NRIP3: variants seen among roughly 807,000 people sequenced by gnomAD.
The protein encoded by NRIP3 is nuclear receptor-interacting protein 3.
Under a neutral mutation model 29.0 loss-of-function variants are expected in NRIP3, and 31 were observed. The ratio of observed to expected loss-of-function variants is 1.07; its 90% CI spans 0.80 to 1.44. The LOEUF is 1.44. Among genes scored for constraint, NRIP3 ranks in the 40% most tolerant of loss-of-function variants. NRIP3 has a pLI of 0.00. For missense variants in NRIP3, 314 were observed against 297.9 expected, an observed-to-expected ratio of 1.05 and a Z score of -0.40; for synonymous variants, 131 against 118.3, an observed-to-expected ratio of 1.11 and a Z score of -0.70.
chr11:8,996,275 CTTTTTTTTT>C (rs386373056), intron 1 of NRIP3, among the ~76,000 whole-genome samples: 8 of 82,958 alleles, frequency 9.6e-5, no homozygotes, highest in Middle Eastern at 0.013. Flanking sequence ...CCTTTTTTTC[CTTTTTTTTT>C]TTTTTTTTTT....
intron 1 of NRIP3, among the ~76,000 whole-genome samples, chr11:8,993,878 T>C (rs943261310): frequency 1.3e-5 from 2 of 151,460 alleles, no homozygotes; most frequent in Non-Finnish European, 2.9e-5. Context: ...GAAATAGCAG[T>C]ATCACCATTT....
chr11:8,994,168 G>C (rs568312673), intron 1 of NRIP3, among the ~76,000 whole-genome samples: 4 of 152,292 alleles, frequency 2.6e-5, no homozygotes, highest in African/African-American at 9.6e-5. Context: ...CATGGTCACA[G>C]ATGAATACCC....
At chr11:8,992,929 G>C (rs1424586260) in intron 1 of NRIP3, among the ~76,000 whole-genome samples, 1 of 151,574 alleles carries the variant, frequency 6.6e-6, no homozygotes, top group Non-Finnish European at 1.5e-5. Context: ...AAAAAAATTT[G>C]ATAGTACATA....
At chr11:8,985,377 G>C (rs1476583571) in intron 4 of NRIP3, among the ~76,000 whole-genome samples, 2 of 149,398 alleles carry the variant, frequency 1.3e-5, no homozygotes, top group East Asian at 4.0e-4. Flanking sequence ...CACCGTGTTA[G>C]CTAGGATGGT....
At chr11:8,990,863 C>A (rs1237881162) in intron 1 of NRIP3, among the ~76,000 whole-genome samples, 1 of 152,106 alleles carries the variant, frequency 6.6e-6, no homozygotes, top group Non-Finnish European at 1.5e-5. Flanking sequence ...ATCTCTCAAG[C>A]CCTTCTCAGT....
chr11:8,980,878 G>A lies in NRIP3; in HGVS notation c.*2667C>T, dbSNP rs1364466504. The stretch of plus-strand genomic sequence containing the variant: ...AGAAGTCAGAAAATGTTATTTTCCC[G>A]AGTCAGGCATGGAAATATCAAATGA... On this transcript the variant is annotated 3_prime_UTR_variant, in exon 7 of 7. Transcript: ENST00000309166. 1 of 152,206 alleles carries A rather than the reference G, an allele frequency of 6.6e-6. No individual in the cohort carries two copies. Among genetic ancestry groups the A allele is most frequent in the South Asian group, 2.1e-4 (1 of 4,820 alleles). The allele number at this position is 152,206 out of a possible 1,614,324, so 9.4% of individuals were successfully genotyped here.
chr11:8,994,160 T>C (rs925263230), intron 1 of NRIP3, among the ~76,000 whole-genome samples: 3 of 152,200 alleles, frequency 2.0e-5, no homozygotes, highest in African/African-American at 7.2e-5. Flanking sequence ...CATTCCTTCA[T>C]GGTCACAGAT....
chr11:8,995,935 A>C (rs1854695400), intron 1 of NRIP3, among the ~76,000 whole-genome samples: 1 of 152,188 alleles, frequency 6.6e-6, no homozygotes, highest in Non-Finnish European at 1.5e-5. Flanking sequence ...CCTCTGCCTG[A>C]AATGTTCTTC....
In NRIP3 at chr11:8,988,284, T is replaced by C; in HGVS notation, c.175-2A>G. On this transcript the variant is annotated splice_acceptor_variant, in intron 1 of 6. Transcript: ENST00000309166. LOFTEE classifies it high-confidence loss of function. Reference sequence around the variant, plus strand: ...CCTCTGCAGAATATTATGAGGTTGCTTGAGGGATAGAAAGCAGAGACTTCT... The same window carrying C: ...CCTCTGCAGAATATTATGAGGTTGCCTGAGGGATAGAAAGCAGAGACTTCT... 8 of 1,612,928 alleles carry C rather than the reference T, an allele frequency of 5.0e-6. No individual in the cohort carries two copies. The highest frequency in any genetic ancestry group is 2.2e-5 in the East Asian group (1 of 44,862).
chr11:8,981,833 A>G lies in NRIP3; in HGVS notation c.*1712T>C. 6.6e-6 allele frequency: 1 copy of G among 152,222 alleles called. No individual in the cohort carries two copies. The highest frequency in any genetic ancestry group is 1.9e-4 in the East Asian group (1 of 5,190). 9.4% of individuals were successfully genotyped at this position (152,222 alleles called of 1,614,324 possible). A position where few individuals can be genotyped will look rare whatever the true frequency, so the allele number is the denominator to read the frequency against. ...GTAGAGGCTGATAGGAAGGGGGCCT[A>G]GGGAATGACCCCATGACAACTGACT... On this transcript the variant is annotated 3_prime_UTR_variant, in exon 7 of 7. Transcript: ENST00000309166.
intron 1 of NRIP3, among the ~76,000 whole-genome samples, chr11:8,999,982 C>G (rs186722523): frequency 6.6e-6 from 1 of 152,104 alleles, no homozygotes; most frequent in Non-Finnish European, 1.5e-5. Flanking sequence ...TTTCTGCCTC[C>G]TTCCTCCCAC....
Position 8,982,713 on chromosome 11 carries a change from G to C in NRIP3, c.*832C>G. 1 of 255,130 alleles carries C rather than the reference G, an allele frequency of 3.9e-6. No homozygotes were observed. Among genetic ancestry groups the C allele is most frequent in the South Asian group, 4.2e-5 (1 of 23,662 alleles). The allele number at this position is 255,130 out of a possible 1,614,324, so 15.8% of individuals were successfully genotyped here. A position where few individuals can be genotyped will look rare whatever the true frequency, so the allele number is the denominator to read the frequency against. ...GCTCGTTTTTAGGCACCAAGATGAGGGCCTAAATGTGACAGTTTGGGGCAA... is the reference window on the plus strand; with the variant it reads ...GCTCGTTTTTAGGCACCAAGATGAGCGCCTAAATGTGACAGTTTGGGGCAA... On this transcript the variant is annotated 3_prime_UTR_variant, in exon 7 of 7. Transcript: ENST00000309166.
rs776888121 is a variant in NRIP3, at chr11:8,988,102, G to A, written c.339+16C>T. ...CTTTCCAGAAAACCCTGGAAAAGCT[G>A]TTCTCAGAACATTACCTGGCAAGAA... is the stretch of plus-strand genomic sequence containing the variant. On this transcript the variant is annotated intron_variant, in intron 2 of 6. Transcript: ENST00000309166. 1 of 1,612,850 alleles carries A rather than the reference G, an allele frequency of 6.2e-7. No individual in the cohort carries two copies. Among genetic ancestry groups the A allele is most frequent in the South Asian group, 1.1e-5 (1 of 90,956 alleles).
intron 1 of NRIP3, among the ~76,000 whole-genome samples, chr11:8,992,528 A>G (rs1854623240): frequency 6.6e-6 from 1 of 152,238 alleles, no homozygotes; most frequent in Non-Finnish European, 1.5e-5. Context: ...AGAGAAAAAG[A>G]TGATCAAAAT....
At chr11:8,991,865 A>G (rs1302329354) in intron 1 of NRIP3, among the ~76,000 whole-genome samples, 86 of 152,310 alleles carry the variant, frequency 5.6e-4, no homozygotes, top group Non-Finnish European at 1.2e-4. Context: ...CACCATTTCT[A>G]TGCCTGGCCC....
rs577214494 is a variant in NRIP3 at position 9,003,555 on chromosome 11, G to T, written c.174+207C>A. ...TCCAGGGAGGAGGCACAGCCGAGGG[G>T]AGCGCAAGCTAGAAAAGCTACGACG... On this transcript the variant is annotated intron_variant, in intron 1 of 6. Transcript: ENST00000309166. Among the ~76,000 whole-genome samples, 11 of 152,366 alleles carry T rather than the reference G, an allele frequency of 7.2e-5. No individual in the cohort carries two copies. In the South Asian group the frequency reaches 2.3e-3, roughly 32 times the overall value.
chr11:8,984,324 G>A (rs1359663865), intron 4 of NRIP3, among the ~76,000 whole-genome samples, 200 bp from the exon 5 acceptor site: 3 of 151,396 alleles, frequency 2.0e-5, no homozygotes, highest in African/African-American at 4.9e-5. Context: ...GTGCAGTGGC[G>A]CAATCTCGGC....
intron 1 of NRIP3, among the ~76,000 whole-genome samples, chr11:9,002,277 ACTT>A (rs1258226304): frequency 1.3e-5 from 2 of 152,320 alleles, no homozygotes; most frequent in African/African-American, 2.4e-5. Flanking sequence ...AGGAAAGAAT[ACTT>A]CTCGAACCTG....
intron 1 of NRIP3, among the ~76,000 whole-genome samples, chr11:8,992,783 G>A (rs1474234513): frequency 6.6e-6 from 1 of 151,982 alleles, no homozygotes; most frequent in African/African-American, 2.4e-5. Flanking sequence ...GCGTGGTGGT[G>A]GGTGCCTGTT....
Sources: allele counts gnomAD v4.1 joint callset (sites outside exome capture counted in the v4.1 genomes callset), GRCh38; gene constraint gnomAD v4.1.1; transcripts MANE v1.5; gene names NCBI Gene and HGNC (gene_info 2026-07-23, HGNC 2026-07-21).